Variants in GANAB observed in about 807,000 individuals in gnomAD.
GANAB encodes the protein glucosidase II alpha subunit.
GANAB carries 35 observed loss-of-function variants against 129.9 expected under a neutral mutation model. The observed-to-expected ratio is 0.27, with a 90% CI of 0.21 to 0.36. GANAB has a LOEUF of 0.36. GANAB is among the 10% of genes least tolerant of loss of function. The pLI is 1.00. For missense variants in GANAB, 939 were observed against 1,221.0 expected (o/e 0.77, Z 3.44); for synonymous variants, 482 against 451.8 (o/e 1.07, Z -0.85).
At position 62,636,480 on chromosome 11, in the gene GANAB, A is replaced by G. The variant is rs561250228; in HGVS notation, c.381-1480T>C. Among the ~76,000 whole-genome samples the G allele has an allele frequency of 2.0e-5, 3 of 152,068 alleles. 1 individual carries two copies. The South Asian group carries it at 6.3e-4, about 32-fold the overall frequency. ...GCCAGTCTCATAACCCGATCTCAAA[A>G]TAAGTAAATAAATGAAAGCAAAAGT... On this transcript the variant is annotated intron_variant, in intron 4 of 23. Coordinates refer to ENST00000356638, the MANE Select transcript of GANAB (RefSeq NM_198334.3).
chr11:62,633,727 A>C (rs1943802953), intron 5 of GANAB: 1 of 595,496 alleles, frequency 1.7e-6, no homozygotes, highest in South Asian at 2.0e-5. Flanking sequence ...ATGAGGAATA[A>C]GTGCCACCAG....
Position 62,633,167 on chromosome 11 carries a change from G to C in GANAB, c.718+17C>G. The C allele has an allele frequency of 6.2e-7, 1 of 1,610,668 alleles. No homozygotes were observed. Among genetic ancestry groups the C allele is most frequent in the Non-Finnish European group, 8.5e-7 (1 of 1,176,970 alleles). On this transcript the variant is annotated intron_variant, in intron 7 of 23. Coordinates refer to ENST00000356638, the MANE Select transcript of GANAB (RefSeq NM_198334.3). ...AAGGAGCCCTGCACCCCAGCCCAAG[G>C]AACCCGAGCCCCTCACCATACGGCT...
In GANAB at chr11:62,633,486, C is replaced by A. The variant is rs772866333; in HGVS notation, c.589G>T (p.Asp197Tyr). 8.7e-6 allele frequency: 14 copies of A among 1,614,006 alleles called. No homozygotes were observed. The highest frequency in any genetic ancestry group is 1.2e-5 in the Non-Finnish European group (14 of 1,180,026). ...GGTGTTTCCTCAGGCTGGGCCCCAT[C>A]GCCCTCAGCTGGGTCTTTTGATCCT... ...SQGSKDPAEG[D>Y]GAQPEETPRD... is the part of the protein sequence containing the mutation. Residue 197 changes from aspartate (D) to tyrosine (Y), a missense_variant, in exon 6 of 24, where the codon GAT becomes TAT. Transcript: ENST00000356638.
chr11:62,638,508 A>G (rs905934480), intron 4 of GANAB, among the ~76,000 whole-genome samples: 1 of 152,056 alleles, frequency 6.6e-6, no homozygotes, highest in Non-Finnish European at 1.5e-5. Context: ...GGATGCATGG[A>G]ACACTGGTGA....
chr11:62,641,192 A>G (rs1944239287), intron 1 of GANAB, among the ~76,000 whole-genome samples: 1 of 151,634 alleles, frequency 6.6e-6, no homozygotes, highest in Admixed American at 6.6e-5. Context: ...TAAAATACAA[A>G]AATTAGCTGG....
Position 62,634,615 on chromosome 11 carries a change from G to A in GANAB, c.560+206C>T, listed in dbSNP as rs1389492222. 12 of 612,082 alleles carry A rather than the reference G, an allele frequency of 2.0e-5. No individual in the cohort carries two copies. The East Asian group carries it at 3.3e-4, about 17-fold the overall frequency. The allele number at this position is 612,082 out of a possible 1,614,324, so 37.9% of individuals were successfully genotyped here. On this transcript the variant is annotated intron_variant, in intron 5 of 23. Transcript: ENST00000356638. ...CAGAGATGCCCAGGGTACAGCTCAG[G>A]GACAAAAGTGACTGCCTCCTGGTCT...
At position 62,625,849 on chromosome 11, in the gene GANAB, T is replaced by A; in HGVS notation, c.2801A>T (p.Asn934Ile). The change falls in exon 24 of 24, where the codon AAT (asparagine) becomes ATT (isoleucine). Residue 934 changes from asparagine (N) to isoleucine (I), a missense_variant. Asn to Ile is a moderately radical substitution (Grantham distance 149, BLOSUM62 -3). Coordinates refer to ENST00000356638, the MANE Select transcript of GANAB (RefSeq NM_198334.3). ...GTGAATACTCCAATCAGATGCCACA[T>A]TGATGCCAGGCTTGCGCAGGACCAA... Reference protein sequence around the residue: ...SVLVLRKPGINVASDWSIHLR With the variant: ...SVLVLRKPGIIVASDWSIHLR 6.2e-7 allele frequency: 1 copy of A among 1,613,414 alleles called. No individual in the cohort carries two copies. The highest frequency in any genetic ancestry group is 8.5e-7 in the Non-Finnish European group (1 of 1,179,410).
intron 5 of GANAB, 127 bp downstream of exon 5, chr11:62,634,692 CAG>C: frequency 1.3e-6 from 1 of 777,518 alleles, no homozygotes; most frequent in South Asian, 1.7e-5. Context: ...CCCTCCCTGA[CAG>C]AGAGCTTCTC....
chr11:62,638,906 A>G, intron 4 of GANAB, 77 bp downstream of exon 4: 5 of 1,481,202 alleles, frequency 3.4e-6, no homozygotes, highest in Non-Finnish European at 4.7e-6. Flanking sequence ...TTGGGAAAGA[A>G]TATCAGCAAC....
intron 17 of GANAB, 75 bp from the exon 18 acceptor site, chr11:62,627,428 G>T: frequency 1.2e-6 from 1 of 828,150 alleles, no homozygotes; most frequent in Admixed American, 1.8e-5. Flanking sequence ...CCAGGAACTG[G>T]CAATAAGAAA....
intron 4 of GANAB, among the ~76,000 whole-genome samples, chr11:62,635,620 G>T (rs1322909153): frequency 6.6e-6 from 1 of 151,300 alleles, no homozygotes; most frequent in African/African-American, 2.4e-5. Flanking sequence ...GAAGAAAAAT[G>T]ATGTACTTCT....
intron 5 of GANAB, 70 bp downstream of exon 5, chr11:62,634,751 G>T: frequency 7.8e-7 from 1 of 1,281,648 alleles, no homozygotes; most frequent in Non-Finnish European, 1.1e-6. Flanking sequence ...TCTCCTCCCC[G>T]TGCCAGACCT....
intron 1 of GANAB, among the ~76,000 whole-genome samples, chr11:62,642,536 G>A (rs1426691032): frequency 6.6e-6 from 1 of 151,668 alleles, no homozygotes; most frequent in Admixed American, 6.6e-5. Context: ...CTGGGTTCAA[G>A]CGATTCTCCC....
intron 19 of GANAB, 38 bp from the exon 20 acceptor site, chr11:62,626,972 A>G: frequency 6.3e-7 from 1 of 1,579,846 alleles, no homozygotes; most frequent in Non-Finnish European, 8.7e-7. Flanking sequence ...CGGATCACTC[A>G]GTGCACAGGG....
chr11:62,637,705 A>AGC (rs1338693308), intron 4 of GANAB, among the ~76,000 whole-genome samples: 1 of 152,056 alleles, frequency 6.6e-6, no homozygotes, highest in Non-Finnish European at 1.5e-5. Flanking sequence ...AATGAACTAG[A>AGC]GCTATATGAA....
chr11:62,635,029 G>C (rs777307832), intron 4 of GANAB, 29 bp from the exon 5 acceptor site: 2 of 1,556,728 alleles, frequency 1.3e-6, no homozygotes, highest in Non-Finnish European at 1.8e-6. Flanking sequence ...GAAATATAAG[G>C]AAGTACAAAG....
At chr11:62,632,049 C>A (rs1943712379) in intron 9 of GANAB, among the ~76,000 whole-genome samples, 1 of 152,060 alleles carries the variant, frequency 6.6e-6, no homozygotes, top group Non-Finnish European at 1.5e-5. Flanking sequence ...TCTCCGCTCA[C>A]TGCAACCTCC....
intron 6 of GANAB, 33 bp from the exon 7 acceptor site, chr11:62,633,304 C>CAT: frequency 6.4e-7 from 1 of 1,572,908 alleles, no homozygotes; most frequent in South Asian, 1.1e-5. Context: ...ACTCTCCAAT[C>CAT]ATACCAGTTC....
chr11:62,643,939 G>A (rs900628565), intron 1 of GANAB, among the ~76,000 whole-genome samples: 2 of 152,230 alleles, frequency 1.3e-5, no homozygotes, highest in Admixed American at 6.5e-5. Context: ...CCTGGATACC[G>A]CATTTTATTT....
Sources: gnomAD v4.1 joint callset for allele counts (sites outside exome capture counted in the v4.1 genomes callset) on GRCh38, gnomAD v4.1.1 for gene constraint, MANE v1.5 for transcripts, NCBI Gene and HGNC (gene_info 2026-07-23, HGNC 2026-07-21) for gene names.